Variants in RNGTT observed in about 807,000 individuals in gnomAD.
RNGTT encodes the protein mRNA-capping enzyme.
A neutral mutation model predicts 79.3 loss-of-function variants in RNGTT; 33 were observed. The ratio of observed to expected loss-of-function variants is 0.42; its 90% CI spans 0.32 to 0.56. The LOEUF is 0.56. Among genes scored for constraint, RNGTT ranks in the 20% least tolerant of loss-of-function variants. The pLI, the probability that RNGTT is intolerant of heterozygous loss-of-function variation, is 0.17. For synonymous variants in RNGTT, 222 were observed against 235.9 expected (o/e 0.94, Z 0.54); for missense variants, 497 against 739.1 (o/e 0.67, Z 3.80).
In RNGTT at chr6:88,825,718, A is replaced by G. The variant is rs573547164; in HGVS notation, c.1269+18639T>C. On this transcript the variant is annotated intron_variant, in intron 11 of 15. Transcript: ENST00000369485. ...GCACAGTGTGTTCTATTGGTCTTCT[A>G]CTGAAATAGTTCACTATTAGAGCTT... Among the ~76,000 whole-genome samples, 37 of 152,308 alleles carry G rather than the reference A, an allele frequency of 2.4e-4. No individual in the cohort carries two copies. The East Asian group carries it at 6.8e-3, about 28-fold the overall frequency.
intron 2 of RNGTT, among the ~76,000 whole-genome samples, chr6:88,931,481 T>G (rs1784511928): frequency 6.6e-6 from 1 of 152,134 alleles, no homozygotes; most frequent in South Asian, 2.1e-4. Context: ...GATACCAACC[T>G]TTTTTTGTGG....
chr6:88,835,501 A>G (rs1781035525), intron 11 of RNGTT, among the ~76,000 whole-genome samples: 1 of 152,250 alleles, frequency 6.6e-6, no homozygotes. Context: ...AAAAATAGGC[A>G]ATTAGACAAG....
intron 12 of RNGTT, among the ~76,000 whole-genome samples, chr6:88,776,999 C>T (rs9451079): frequency 0.15 from 22,220 of 152,098 alleles, 1,761 homozygotes; most frequent in Middle Eastern, 0.25. Context: ...TACAGTTAGG[C>T]ATTTGATCTA....
rs3798782 is a variant in RNGTT, at chr6:88,634,648, T to G, written c.1507-20253A>C. Among the ~76,000 whole-genome samples, 1,297 of 152,254 alleles carry G rather than the reference T, an allele frequency of 8.5e-3. 44 individuals are homozygous for G. The East Asian group carries it at 0.1, about 12-fold the overall frequency. ...CCAATAGATGACTTAACGAATAGCC[T>G]ACTGATAAGACCAAAATTCAAATTC... On this transcript the variant is annotated intron_variant, in intron 14 of 15. Coordinates refer to ENST00000369485, the MANE Select transcript of RNGTT (RefSeq NM_003800.5).
chr6:88,798,263 T>C (rs1220000632), intron 12 of RNGTT, among the ~76,000 whole-genome samples: 1 of 152,078 alleles, frequency 6.6e-6, no homozygotes, highest in Non-Finnish European at 1.5e-5. Context: ...TCAGGAGCTT[T>C]AGACCAGCCT....
At chr6:88,783,248 C>T (rs749634519) in intron 12 of RNGTT, among the ~76,000 whole-genome samples, 8 of 152,084 alleles carry the variant, frequency 5.3e-5, no homozygotes, top group Middle Eastern at 6.3e-3. Flanking sequence ...TTTGTGGTAA[C>T]GTGGATGGAG....
intron 14 of RNGTT, among the ~76,000 whole-genome samples, chr6:88,653,706 T>C (rs1773876937): frequency 6.6e-6 from 1 of 152,210 alleles, no homozygotes; most frequent in Non-Finnish European, 1.5e-5. Flanking sequence ...CCATGGTATA[T>C]ACTTAATGTT....
At chr6:88,630,351 T>C (rs1772807386) in intron 14 of RNGTT, among the ~76,000 whole-genome samples, 1 of 152,236 alleles carries the variant, frequency 6.6e-6, no homozygotes, top group Non-Finnish European at 1.5e-5. Context: ...ACTTCAGATG[T>C]TATCACTATC....
intron 14 of RNGTT, among the ~76,000 whole-genome samples, chr6:88,655,431 G>A (rs1773941766): frequency 6.6e-6 from 1 of 152,128 alleles, no homozygotes; most frequent in South Asian, 2.1e-4. Flanking sequence ...TATTGCATAT[G>A]CACACGAATA....
At chr6:88,676,505 T>C (rs1232871957) in intron 14 of RNGTT, among the ~76,000 whole-genome samples, 2 of 152,016 alleles carry the variant, frequency 1.3e-5, no homozygotes, top group Admixed American at 1.3e-4. Context: ...ACGAGAAAAA[T>C]CTTTGTGACT....
chr6:88,828,981 G>A (rs1367780406), intron 11 of RNGTT, among the ~76,000 whole-genome samples: 2 of 152,108 alleles, frequency 1.3e-5, no homozygotes, highest in Non-Finnish European at 2.9e-5. Context: ...TTATCCAGGA[G>A]GACTTCCCCA....
intron 4 of RNGTT, among the ~76,000 whole-genome samples, chr6:88,925,995 C>T (rs967556098): frequency 6.6e-6 from 1 of 152,192 alleles, no homozygotes; most frequent in East Asian, 1.9e-4. Flanking sequence ...GGTTCTGATA[C>T]AGGCAGTCCA....
intron 12 of RNGTT, among the ~76,000 whole-genome samples, chr6:88,796,746 A>G (rs1779615005): frequency 6.6e-6 from 1 of 152,188 alleles, no homozygotes; most frequent in Admixed American, 6.5e-5. Context: ...CAAAAGGTGG[A>G]AGAGGCTGAG....
At chr6:88,840,407 T>C (rs1256407474) in intron 11 of RNGTT, among the ~76,000 whole-genome samples, 1 of 152,200 alleles carries the variant, frequency 6.6e-6, no homozygotes, top group African/African-American at 2.4e-5. Flanking sequence ...TTATTATTTA[T>C]TTATTTCGAG....
intron 13 of RNGTT, among the ~76,000 whole-genome samples, chr6:88,764,119 A>G (rs1162098240): frequency 1.3e-5 from 2 of 152,102 alleles, no homozygotes; most frequent in Non-Finnish European, 1.5e-5. Flanking sequence ...CAATCTTCTA[A>G]ATTTTAATAA....
chr6:88,702,541 C>T (rs1227257991), intron 13 of RNGTT, among the ~76,000 whole-genome samples: 2 of 152,066 alleles, frequency 1.3e-5, no homozygotes, highest in South Asian at 2.1e-4. Flanking sequence ...CTATCTTTTA[C>T]CATAAACAAA....
chr6:88,701,821 T>A (rs1219763665), intron 13 of RNGTT, among the ~76,000 whole-genome samples: 1 of 143,302 alleles, frequency 7.0e-6, no homozygotes, highest in Admixed American at 6.7e-5. Context: ...CTAATTCTCA[T>A]GCTGTAGAGA....
At chr6:88,664,434 C>T (rs1231721642) in intron 14 of RNGTT, among the ~76,000 whole-genome samples, 4 of 152,112 alleles carry the variant, frequency 2.6e-5, no homozygotes, top group East Asian at 1.9e-4. Context: ...ATGAATACGT[C>T]GCCAATTACT....
chr6:88,950,204 T>C (rs761294368), intron 1 of RNGTT, among the ~76,000 whole-genome samples: 1 of 152,148 alleles, frequency 6.6e-6, no homozygotes, highest in Non-Finnish European at 1.5e-5. Context: ...AAAAAAAGAT[T>C]CCTTCCAAAA....
Sources: gnomAD v4.1 joint callset for allele counts (sites outside exome capture counted in the v4.1 genomes callset) on GRCh38, gnomAD v4.1.1 for gene constraint, MANE v1.5 for transcripts, NCBI Gene and HGNC (gene_info 2026-07-23, HGNC 2026-07-21) for gene names.